ANK2: variants seen among roughly 807,000 people sequenced by gnomAD.
The protein encoded by ANK2 is ankyrin 2.
A neutral mutation model predicts 360.5 loss-of-function variants in ANK2; 83 were observed. That is an observed-to-expected ratio of 0.23 (90% CI 0.19 to 0.28). ANK2 has a LOEUF of 0.28. Among genes scored for constraint, ANK2 ranks in the 10% least tolerant of loss-of-function variants. The probability of loss-of-function intolerance (pLI) is 1.00; values close to 1 mark genes in which losing one functional copy is unlikely to be tolerated. For missense variants in ANK2, 4,201 were observed against 4,795.7 expected (o/e 0.88, Z 3.66); for synonymous variants, 1,740 against 1,759.5 (o/e 0.99, Z 0.28).
At chr4:113,294,738 A>G (rs2070073151) in intron 22 of ANK2, among the ~76,000 whole-genome samples, 1 of 152,232 alleles carries the variant, frequency 6.6e-6, no homozygotes, top group East Asian at 1.9e-4. Flanking sequence ...TAAAACCTTC[A>G]GCCAGTTCAC....
At chr4:113,371,877 A>C (rs1214884603) in intron 43 of ANK2, among the ~76,000 whole-genome samples, 3 of 152,192 alleles carry the variant, frequency 2.0e-5, no homozygotes, top group African/African-American at 7.2e-5. Flanking sequence ...AATTCAATAT[A>C]TGACTCCTAA....
chr4:112,902,629 T>A (rs910493894), intron 1 of ANK2, among the ~76,000 whole-genome samples: 4 of 152,234 alleles, frequency 2.6e-5, no homozygotes, highest in Non-Finnish European at 5.9e-5. Flanking sequence ...GAATTTGTAC[T>A]AAGACACAGA....
In ANK2 at chr4:112,836,976, A is replaced by G. The variant is rs111536188; in HGVS notation, c.-40+18712A>G. On this transcript the variant is annotated intron_variant, in intron 1 of 30. Coordinates refer to the ANK2 transcript ENST00000503271. Reference sequence around the variant, plus strand: ...ATTCAAGCCAGATGCATAAATTTGCATAAGTAACAAGGAGCCAAATGTTAA... The same window carrying G: ...ATTCAAGCCAGATGCATAAATTTGCGTAAGTAACAAGGAGCCAAATGTTAA... Among the ~76,000 whole-genome samples, 814 of 152,380 alleles carry G rather than the reference A, an allele frequency of 5.3e-3. 4 individuals are homozygous for G. Among genetic ancestry groups the G allele is most frequent in the African/African-American group, 0.018 (767 of 41,592 alleles).
Position 113,369,717 on chromosome 4 carries a change from C to T in ANK2, c.11522C>T (p.Pro3841Leu), listed in dbSNP as rs767769233. Residue 3841 changes from proline (P) to leucine (L), a missense_variant, in exon 43 of 46, where the codon CCG (proline) becomes CTG (leucine). This residue lies in a region of ANK2 where 2,642 missense variants were observed against 2,714.5 expected (regional missense o/e 0.97). Coordinates refer to ENST00000357077, the MANE Select transcript of ANK2 (RefSeq NM_001148.6). Reference protein sequence around the residue: ...EPSEHREESSPRKTSLVIVES... With the variant: ...EPSEHREESSLRKTSLVIVES... ...TCAGAGCACAGAGAGGAGAGCTCTCCGCGGAAAACCAGCCTCGTAATAGTG... is the reference window on the plus strand; with the variant it reads ...TCAGAGCACAGAGAGGAGAGCTCTCTGCGGAAAACCAGCCTCGTAATAGTG... The T allele has an allele frequency of 3.8e-5, 62 of 1,613,938 alleles. No individual in the cohort carries two copies. In the South Asian group the frequency reaches 4.2e-4, roughly 11 times the overall value.
chr4:112,906,896 TTAC>T (rs949671969), intron 2 of ANK2, among the ~76,000 whole-genome samples: 1 of 152,144 alleles, frequency 6.6e-6, no homozygotes, highest in Non-Finnish European at 1.5e-5. Flanking sequence ...TACATGAATA[TTAC>T]TCTCTAAAAA....
chr4:113,015,007 C>A (rs10014679), intron 2 of ANK2, among the ~76,000 whole-genome samples: 84,643 of 151,598 alleles, frequency 0.56, 25,484 homozygotes, highest in Non-Finnish European at 0.69. Context: ...TACAGGCGCC[C>A]GCCACCACGC....
At chr4:112,931,157 A>G (rs1324167515) in intron 2 of ANK2, among the ~76,000 whole-genome samples, 1 of 152,042 alleles carries the variant, frequency 6.6e-6, no homozygotes, top group Non-Finnish European at 1.5e-5. Context: ...CCCAGGGTCG[A>G]CTCTGCACAT....
intron 23 of ANK2, among the ~76,000 whole-genome samples, chr4:113,307,379 A>G (rs934945453): frequency 6.7e-6 from 1 of 148,254 alleles, no homozygotes; most frequent in Non-Finnish European, 1.5e-5. Context: ...TGTCAGCATC[A>G]TGAGGGGTTG....
At chr4:112,823,883 T>C (rs1055823104) in intron 1 of ANK2, among the ~76,000 whole-genome samples, 4 of 152,264 alleles carry the variant, frequency 2.6e-5, no homozygotes, top group African/African-American at 9.6e-5. Context: ...TGCTACTGTT[T>C]ACTGTGCTAG....
intron 2 of ANK2, among the ~76,000 whole-genome samples, chr4:112,960,395 A>G (rs2154260205): frequency 6.6e-6 from 1 of 152,190 alleles, no homozygotes; most frequent in African/African-American, 2.4e-5. Context: ...AAGCCACTCA[A>G]AATGACAAAC....
In ANK2 at chr4:113,061,449, A is replaced by G. The variant is rs533086432; in HGVS notation, c.84+11637A>G. Among the ~76,000 whole-genome samples the G allele has an allele frequency of 2.0e-3, 300 of 152,266 alleles. 2 individuals carry two copies. Among genetic ancestry groups the G allele is most frequent in the Non-Finnish European group, 3.5e-3 (239 of 67,998 alleles). ...TATAGTTTGTCAAAATGAGCAGAATATTAGCTAAAGGAAGTATGTTTTCCT... is the reference window on the plus strand; with the variant it reads ...TATAGTTTGTCAAAATGAGCAGAATGTTAGCTAAAGGAAGTATGTTTTCCT... On this transcript the variant is annotated intron_variant, in intron 1 of 45. Transcript: ENST00000357077.
At chr4:113,312,179 T>C (rs958041344) in intron 24 of ANK2, among the ~76,000 whole-genome samples, 1 of 151,602 alleles carries the variant, frequency 6.6e-6, no homozygotes, top group Non-Finnish European at 1.5e-5. Flanking sequence ...TGCTGAGACC[T>C]GTAGTCTCAG....
intron 5 of ANK2, among the ~76,000 whole-genome samples, chr4:113,233,225 C>G (rs2099341564): frequency 7.0e-6 from 1 of 143,762 alleles, no homozygotes; most frequent in South Asian, 2.2e-4. Flanking sequence ...AGCTCCGCCT[C>G]CCGGGTTCAC....
intron 2 of ANK2, among the ~76,000 whole-genome samples, chr4:113,038,139 A>G (rs1303607012): frequency 6.6e-6 from 1 of 151,846 alleles, no homozygotes; most frequent in Non-Finnish European, 1.5e-5. Flanking sequence ...GGTCATATAG[A>G]TGTTACGTAG....
intron 24 of ANK2, among the ~76,000 whole-genome samples, chr4:113,316,546 G>T (rs1477111203): frequency 6.6e-6 from 1 of 152,178 alleles, no homozygotes; most frequent in African/African-American, 2.4e-5. Context: ...ATTCTACAGT[G>T]CTTCACTGGC....
At chr4:113,257,721 A>G (rs1476448634) in intron 11 of ANK2, among the ~76,000 whole-genome samples, 1 of 152,228 alleles carries the variant, frequency 6.6e-6, no homozygotes, top group Admixed American at 6.5e-5. Context: ...AGGACAATCA[A>G]TATACCTTAA....
chr4:112,976,350 C>A (rs1034854888), intron 2 of ANK2, among the ~76,000 whole-genome samples: 1 of 152,186 alleles, frequency 6.6e-6, no homozygotes, highest in East Asian at 1.9e-4. Context: ...CACACTACCA[C>A]GACAGGCTAA....
At chr4:113,351,169 G>A (rs183720225) in intron 37 of ANK2, among the ~76,000 whole-genome samples, 85 of 152,174 alleles carry the variant, frequency 5.6e-4, no homozygotes, top group African/African-American at 1.9e-3. Flanking sequence ...GATTTTTAAA[G>A]TTTATTGAAT....
chr4:113,140,168 A>G (rs1045269506), intron 1 of ANK2, among the ~76,000 whole-genome samples: 4 of 152,232 alleles, frequency 2.6e-5, no homozygotes, highest in Non-Finnish European at 4.4e-5. Flanking sequence ...CTTATTGCAC[A>G]GAATGTTCCA....
Sources: gnomAD v4.1 joint callset for allele counts (sites outside exome capture counted in the v4.1 genomes callset) on GRCh38, gnomAD v4.1.1 for gene constraint, gnomAD v4.1.1 regional missense constraint, MANE v1.5 for transcripts, NCBI Gene and HGNC (gene_info 2026-07-23, HGNC 2026-07-21) for gene names.